The following FNDC3B variants were observed in gnomAD, a reference collection of about 807,000 sequenced individuals.
FNDC3B encodes the protein fibronectin type III domain-containing protein 3B.
A neutral mutation model predicts 151.5 loss-of-function variants in FNDC3B; 12 were observed. The observed-to-expected ratio is 0.08, with a 90% CI of 0.05 to 0.13. The LOEUF (loss-of-function observed/expected upper bound fraction) is 0.13, where lower values mean the gene tolerates loss of function less well. FNDC3B is among the 10% of genes least tolerant of loss of function. FNDC3B has a pLI of 1.00. For missense variants in FNDC3B, 1,214 were observed against 1,505.3 expected (o/e 0.81, Z 3.20); for synonymous variants, 528 against 549.0 (o/e 0.96, Z 0.54).
chr3:172,094,828 A>G (rs529299291), intron 1 of FNDC3B, among the ~76,000 whole-genome samples: 1 of 151,686 alleles, frequency 6.6e-6, no homozygotes, highest in East Asian at 1.9e-4. Flanking sequence ...GTAGTGGCTT[A>G]GTGGAAGTGA....
chr3:172,241,855 A>G (rs1727509840), intron 4 of FNDC3B, among the ~76,000 whole-genome samples: 2 of 152,256 alleles, frequency 1.3e-5, no homozygotes, highest in Admixed American at 1.3e-4. Flanking sequence ...TTTCAGCATT[A>G]ACTCAAAAGT....
At chr3:172,126,534 G>C (rs1224083634) in intron 2 of FNDC3B, among the ~76,000 whole-genome samples, 1 of 152,192 alleles carries the variant, frequency 6.6e-6, no homozygotes, top group Non-Finnish European at 1.5e-5. Flanking sequence ...CATTTTAAAA[G>C]AGCATTTTTA....
chr3:172,332,953 CT>C, intron 13 of FNDC3B, 135 bp from the exon 14 acceptor site: 1 of 725,584 alleles, frequency 1.4e-6, no homozygotes, highest in South Asian at 1.5e-5. Flanking sequence ...TGATTTTTCT[CT>C]TTTGCGGTAG....
chr3:172,051,842 C>A (rs747422311), intron 1 of FNDC3B, among the ~76,000 whole-genome samples: 4 of 152,082 alleles, frequency 2.6e-5, no homozygotes, highest in Non-Finnish European at 4.4e-5. Context: ...AATGAATGTT[C>A]TTCAGAGAAT....
At chr3:172,229,452 CCT>C (rs1172600849) in intron 4 of FNDC3B, among the ~76,000 whole-genome samples, 3 of 151,828 alleles carry the variant, frequency 2.0e-5, no homozygotes, top group South Asian at 2.1e-4. Flanking sequence ...ATTATTTCCC[CCT>C]GTCTGGAATA....
intron 6 of FNDC3B, among the ~76,000 whole-genome samples, chr3:172,284,688 C>T (rs1034486633): frequency 2.0e-5 from 3 of 149,824 alleles, no homozygotes; most frequent in Admixed American, 6.7e-5. Context: ...TTATTATACA[C>T]AGAGCTCAGC....
chr3:172,383,811 T>C (rs189265329), intron 25 of FNDC3B, among the ~76,000 whole-genome samples: 16 of 152,362 alleles, frequency 1.1e-4, no homozygotes, highest in Non-Finnish European at 1.5e-5. Context: ...TCAATGACTC[T>C]GAAGGATTTA....
At chr3:172,289,138 C>T (rs1013266951) in intron 7 of FNDC3B, among the ~76,000 whole-genome samples, 4 of 152,182 alleles carry the variant, frequency 2.6e-5, no homozygotes, top group Middle Eastern at 3.2e-3. Flanking sequence ...GTTGGCAGGG[C>T]TATATTTCTT....
At chr3:172,059,350 G>T (rs893942655) in intron 1 of FNDC3B, among the ~76,000 whole-genome samples, 3 of 152,056 alleles carry the variant, frequency 2.0e-5, no homozygotes, top group African/African-American at 7.2e-5. Flanking sequence ...GTGGGTTTTT[G>T]GATAAGTCTC....
At chr3:172,170,121 T>C (rs1232554739) in intron 3 of FNDC3B, among the ~76,000 whole-genome samples, 1 of 152,234 alleles carries the variant, frequency 6.6e-6, no homozygotes, top group African/African-American at 2.4e-5. Flanking sequence ...CAAAGTTGTT[T>C]TCTTCCTCCC....
In FNDC3B at chr3:172,393,365, A is replaced by T. The variant is rs536912473; in HGVS notation, c.3304-3799A>T. Among the ~76,000 whole-genome samples, 12 of 152,340 alleles carry T rather than the reference A, an allele frequency of 7.9e-5. No individual in the cohort carries two copies. The East Asian group carries it at 2.1e-3, about 27-fold the overall frequency. On this transcript the variant is annotated intron_variant, in intron 25 of 25. Coordinates refer to ENST00000415807, the MANE Select transcript of FNDC3B (RefSeq NM_022763.4). The stretch of plus-strand genomic sequence containing the variant: ...ATATGCACCCAACATTGAAACACCT[A>T]AATACATAAAATATTGAAGGATCTG...
At chr3:172,098,246 G>A (rs1395840867) in intron 1 of FNDC3B, among the ~76,000 whole-genome samples, 1 of 152,004 alleles carries the variant, frequency 6.6e-6, no homozygotes, top group Non-Finnish European at 1.5e-5. Flanking sequence ...AAACCCTGAG[G>A]CTAGTAGTTT....
intron 3 of FNDC3B, among the ~76,000 whole-genome samples, chr3:172,172,088 G>T (rs1018546585): frequency 2.0e-4 from 31 of 152,154 alleles, no homozygotes; most frequent in African/African-American, 7.0e-4. Flanking sequence ...GCAAACATAT[G>T]CTCTGCTATC....
chr3:172,071,134 TA>T (rs1384953930), intron 1 of FNDC3B, among the ~76,000 whole-genome samples: 1 of 152,194 alleles, frequency 6.6e-6, no homozygotes, highest in African/African-American at 2.4e-5. Flanking sequence ...ATTATTCAAT[TA>T]AAAAATAAGA....
intron 2 of FNDC3B, among the ~76,000 whole-genome samples, chr3:172,118,310 T>C (rs1576880941): frequency 6.6e-6 from 1 of 152,354 alleles, no homozygotes; most frequent in East Asian, 1.9e-4. Context: ...GCTTCCGTCT[T>C]GCATTCAGTA....
At chr3:172,334,051 T>C (rs796702782) in intron 14 of FNDC3B, among the ~76,000 whole-genome samples, 7 of 152,282 alleles carry the variant, frequency 4.6e-5, no homozygotes, top group African/African-American at 1.2e-4. Flanking sequence ...CAAGTGTGCG[T>C]TTTGGAAGAT....
rs371268819 is a variant in FNDC3B, at chr3:172,285,395, G to A, written c.791-531G>A. ...ACAGAAGACAAACACATCTTTTCAA[G>A]CTCAAAAGAAGATCATATCTGTCCC... On this transcript the variant is annotated intron_variant, in intron 6 of 25. Transcript: ENST00000415807. Among the ~76,000 whole-genome samples the A allele has an allele frequency of 4.6e-5, 7 of 152,278 alleles. No individual in the cohort carries two copies. In the East Asian group the frequency reaches 1.3e-3, roughly 29 times the overall value.
chr3:172,152,205 A>G (rs1472685459), intron 3 of FNDC3B, among the ~76,000 whole-genome samples: 9 of 152,322 alleles, frequency 5.9e-5, no homozygotes, highest in African/African-American at 1.9e-4. Flanking sequence ...TTTTGCAGCC[A>G]TAGGTGGCCT....
At chr3:172,196,953 C>T (rs183104643) in intron 3 of FNDC3B, among the ~76,000 whole-genome samples, 81 of 152,178 alleles carry the variant, frequency 5.3e-4, no homozygotes, top group South Asian at 2.1e-4. Flanking sequence ...GAGGCTGAGG[C>T]GGACGGATCA....
Sources: gnomAD v4.1 joint callset for allele counts (sites outside exome capture counted in the v4.1 genomes callset) on GRCh38, gnomAD v4.1.1 for gene constraint, MANE v1.5 for transcripts, NCBI Gene and HGNC (gene_info 2026-07-23, HGNC 2026-07-21) for gene names.